Variants in PDE8B observed in about 807,000 individuals in gnomAD.
PDE8B encodes the protein high affinity cAMP-specific and IBMX-insensitive 3',5'-cyclic phosphodiesterase 8B.
A neutral mutation model predicts 101.3 loss-of-function variants in PDE8B; 26 were observed. That is an observed-to-expected ratio of 0.26 (90% confidence interval 0.19 to 0.36). The LOEUF is 0.36. PDE8B is among the 10% of genes least tolerant of loss of function. The pLI is 1.00. For missense variants in PDE8B, 810 were observed against 1,163.1 expected, an observed-to-expected ratio of 0.70 and a Z score of 4.42; for synonymous variants, 424 against 429.3, an observed-to-expected ratio of 0.99 and a Z score of 0.15.
chr5:77,119,423 C>G, the PDE8B span: 1 of 152,160 alleles, frequency 6.6e-6, no homozygotes, highest in Non-Finnish European at 1.5e-5. Context: ...CTTTGGGAGG[C>G]TGAGGCGGGC....
intron 17 of PDE8B, 36 bp downstream of exon 17, chr5:77,413,345 G>C (rs774462151): frequency 5.8e-6 from 9 of 1,547,612 alleles, no homozygotes; most frequent in Non-Finnish European, 6.3e-6. Context: ...TTACCTGCCT[G>C]GATTGGAGAT....
chr5:77,352,392 A>C (rs1781317950), intron 9 of PDE8B, among the ~76,000 whole-genome samples: 1 of 152,238 alleles, frequency 6.6e-6, no homozygotes, highest in South Asian at 2.1e-4. Flanking sequence ...GAGACATGCT[A>C]TTGCCTGGTA....
intron 2 of PDE8B, among the ~76,000 whole-genome samples, chr5:77,323,832 G>A (rs923985712): frequency 3.3e-5 from 5 of 152,054 alleles, no homozygotes; most frequent in Non-Finnish European, 7.4e-5. Context: ...GGTGGCGGGC[G>A]CCTGTAATCC....
chr5:77,349,207 G>A (rs147657220), intron 7 of PDE8B, among the ~76,000 whole-genome samples: 1 of 152,218 alleles, frequency 6.6e-6, no homozygotes, highest in Non-Finnish European at 1.5e-5. Context: ...ATAAATTGCT[G>A]CCAGGAAGGA....
At chr5:77,132,280 A>G in the PDE8B span, among the ~76,000 whole-genome samples, 1 of 151,948 alleles carries the variant, frequency 6.6e-6, no homozygotes, top group African/African-American at 2.4e-5. Context: ...GACTCAATAC[A>G]TTTCCTCCAT....
At chr5:77,424,612 C>A (rs1361587396) in intron 20 of PDE8B, among the ~76,000 whole-genome samples, 2 of 152,178 alleles carry the variant, frequency 1.3e-5, no homozygotes, top group African/African-American at 4.8e-5. Flanking sequence ...ACAGCTGGTT[C>A]AGCTCAATTC....
At chr5:77,352,128 G>A (rs552385896) in intron 9 of PDE8B, among the ~76,000 whole-genome samples, 3 of 152,328 alleles carry the variant, frequency 2.0e-5, no homozygotes, top group Admixed American at 2.0e-4. Flanking sequence ...CACTCTGGAT[G>A]ATGGGGGCAC....
chr5:77,181,002 T>TGTGTGTGTGTG, the PDE8B span, among the ~76,000 whole-genome samples: 1 of 125,636 alleles, frequency 8.0e-6, no homozygotes, highest in Non-Finnish European at 1.6e-5. Context: ...GTGTGTGTGT[T>TGTGTGTGTGTG]TGCGCGCGCA....
intron 1 of PDE8B, among the ~76,000 whole-genome samples, chr5:77,215,176 TC>T (rs1470495481): frequency 2.0e-5 from 3 of 152,144 alleles, no homozygotes; most frequent in African/African-American, 7.2e-5. Flanking sequence ...GGTTAAGTTT[TC>T]CCCAGGATCC....
intron 10 of PDE8B, among the ~76,000 whole-genome samples, chr5:77,393,442 G>T (rs1790381236): frequency 6.6e-6 from 1 of 151,314 alleles, no homozygotes; most frequent in African/African-American, 2.4e-5. Context: ...GTTAGGACTA[G>T]AATCTAAGTT....
the PDE8B span, chr5:77,088,492 C>A: frequency 7.1e-5 from 1 of 14,126 alleles, no homozygotes; most frequent in African/African-American, 2.8e-4. Flanking sequence ...GGGGTGGGGG[C>A]GGGGGTAGAG....
intron 2 of PDE8B, 68 bp from the exon 3 acceptor site, chr5:77,325,471 T>C: frequency 6.9e-7 from 1 of 1,453,028 alleles, no homozygotes; most frequent in Non-Finnish European, 9.7e-7. Flanking sequence ...GCCTGGCCAC[T>C]AGGCTTGTTT....
At chr5:77,265,563 A>G (rs1761519799) in intron 1 of PDE8B, among the ~76,000 whole-genome samples, 1 of 152,112 alleles carries the variant, frequency 6.6e-6, no homozygotes, top group Non-Finnish European at 1.5e-5. Flanking sequence ...AGTATAAATA[A>G]TTTTTAAAAC....
intron 10 of PDE8B, among the ~76,000 whole-genome samples, chr5:77,395,041 A>AG (rs1327641320): frequency 6.6e-5 from 10 of 152,170 alleles, no homozygotes; most frequent in South Asian, 2.1e-4. Context: ...GGGGAAAAGC[A>AG]GGGGCTCACC....
chr5:77,163,270 C>T, the PDE8B span, among the ~76,000 whole-genome samples: 46 of 152,120 alleles, frequency 3.0e-4, no homozygotes, highest in Non-Finnish European at 7.4e-5. Flanking sequence ...CTGCCCTCTC[C>T]GAGTAATGTC....
the PDE8B span, among the ~76,000 whole-genome samples, chr5:77,177,639 T>G: frequency 6.6e-6 from 1 of 152,358 alleles, no homozygotes; most frequent in South Asian, 2.1e-4. Flanking sequence ...TCACTGCTCT[T>G]GCACTTTGGG....
At chr5:77,286,658 A>C (rs1428586555) in intron 1 of PDE8B, among the ~76,000 whole-genome samples, 1 of 152,208 alleles carries the variant, frequency 6.6e-6, no homozygotes, top group East Asian at 1.9e-4. Context: ...ACTCGTTCTT[A>C]CTGGAAGAGG....
At chr5:77,118,545 C>G in the PDE8B span, 1 of 395,752 alleles carries the variant, frequency 2.5e-6, no homozygotes, top group African/African-American at 2.1e-5. Context: ...ATTTTTCTTT[C>G]TAAGCCATTT....
the PDE8B span, among the ~76,000 whole-genome samples, chr5:77,115,489 C>T: frequency 6.6e-6 from 1 of 152,114 alleles, no homozygotes; most frequent in South Asian, 2.1e-4. Flanking sequence ...GGACTTGACA[C>T]AATTGAAGAA....
Sources: gnomAD v4.1 joint callset for allele counts (sites outside exome capture counted in the v4.1 genomes callset) on GRCh38, gnomAD v4.1.1 for gene constraint, MANE v1.5 for transcripts, NCBI Gene and HGNC (gene_info 2026-07-23, HGNC 2026-07-21) for gene names.